TAOK1: variants seen among roughly 807,000 people sequenced by gnomAD.
TAOK1 encodes TAO kinase 1.
Under a neutral mutation model 138.3 loss-of-function variants are expected in TAOK1, and 21 were observed. The observed-to-expected ratio is 0.15, with a 90% confidence interval of 0.11 to 0.22. TAOK1 has a LOEUF of 0.22. TAOK1 is among the 10% of genes least tolerant of loss of function. TAOK1 has a pLI of 1.00. For missense variants in TAOK1, 651 were observed against 1,227.7 expected, an observed-to-expected ratio of 0.53 and a Z score of 7.02; for synonymous variants, 361 against 398.4, an observed-to-expected ratio of 0.91 and a Z score of 1.12.
intron 1 of TAOK1, among the ~76,000 whole-genome samples, chr17:29,412,936 G>A (rs1905180991): frequency 6.6e-6 from 1 of 152,212 alleles, no homozygotes; most frequent in Non-Finnish European, 1.5e-5. Context: ...TTCTGAGGTT[G>A]TGTACAAATT....
chr17:29,413,665 A>G (rs1335515822), intron 1 of TAOK1, among the ~76,000 whole-genome samples: 1 of 152,134 alleles, frequency 6.6e-6, no homozygotes, highest in Non-Finnish European at 1.5e-5. Flanking sequence ...GTACATTCAC[A>G]GTGTTGTATA....
chr17:29,495,228 T>C (rs1166021390), intron 10 of TAOK1, among the ~76,000 whole-genome samples: 3 of 152,164 alleles, frequency 2.0e-5, no homozygotes, highest in African/African-American at 4.8e-5. Flanking sequence ...AACATGTCTT[T>C]TGTGTGAAAT....
At chr17:29,505,310 C>T (rs1013293159) in intron 13 of TAOK1, among the ~76,000 whole-genome samples, 3 of 152,046 alleles carry the variant, frequency 2.0e-5, no homozygotes, top group South Asian at 2.1e-4. Flanking sequence ...CTGCCTTAAC[C>T]GTCTGAAACA....
intron 1 of TAOK1, among the ~76,000 whole-genome samples, chr17:29,406,393 T>A (rs1052625725): frequency 1.3e-5 from 2 of 152,108 alleles, no homozygotes; most frequent in Non-Finnish European, 2.9e-5. Flanking sequence ...GGGTATTATA[T>A]ACCTGAGAGC....
intron 12 of TAOK1, among the ~76,000 whole-genome samples, chr17:29,501,479 G>A (rs1415724134): frequency 6.7e-6 from 1 of 150,302 alleles, no homozygotes; most frequent in African/African-American, 2.4e-5. Context: ...CTTAACTGAT[G>A]TTCTCTTCAG....
chr17:29,497,884 C>T (rs1271909546), intron 11 of TAOK1, among the ~76,000 whole-genome samples: 4 of 150,616 alleles, frequency 2.7e-5, no homozygotes, highest in African/African-American at 4.9e-5. Flanking sequence ...AGGGCTACGC[C>T]GTAGGCACTG....
At chr17:29,417,061 G>A (rs1366708200) in intron 1 of TAOK1, among the ~76,000 whole-genome samples, 7 of 151,988 alleles carry the variant, frequency 4.6e-5, no homozygotes, top group Non-Finnish European at 8.8e-5. Flanking sequence ...TCGTCCAGGC[G>A]GGAGTGCAGT....
At chr17:29,451,047 C>G (rs114440583) in intron 1 of TAOK1, among the ~76,000 whole-genome samples, 1 of 152,196 alleles carries the variant, frequency 6.6e-6, no homozygotes, top group African/African-American at 2.4e-5. Context: ...GATTAGTACA[C>G]TAGCATACGG....
At chr17:29,425,608 G>T (rs1905610686) in intron 1 of TAOK1, among the ~76,000 whole-genome samples, 1 of 152,226 alleles carries the variant, frequency 6.6e-6, no homozygotes, top group South Asian at 2.1e-4. Context: ...GAGCCTGGGA[G>T]AGCTGAGATT....
chr17:29,425,726 A>G (rs1241673674), intron 1 of TAOK1, among the ~76,000 whole-genome samples: 1 of 152,208 alleles, frequency 6.6e-6, no homozygotes, highest in Non-Finnish European at 1.5e-5. Flanking sequence ...GGAGATATTG[A>G]AAGATGATAA....
At chr17:29,467,121 C>CTTCT (rs762680224) in intron 2 of TAOK1, 24 bp from the exon 3 acceptor site, 383 of 1,538,584 alleles carry the variant, frequency 2.5e-4, no homozygotes, top group Non-Finnish European at 3.3e-4. Flanking sequence ...TTTTACAGTG[C>CTTCT]TTCTTTCTTT....
intron 4 of TAOK1, 138 bp from the exon 5 acceptor site, chr17:29,477,521 CTA>C (rs1320661370): frequency 6.9e-6 from 2 of 289,004 alleles, no homozygotes; most frequent in East Asian, 7.8e-5. Context: ...ATCTATATAA[CTA>C]TTTTTTTAAG....
chr17:29,463,638 C>G (rs2030583959), intron 2 of TAOK1, among the ~76,000 whole-genome samples: 1 of 151,840 alleles, frequency 6.6e-6, no homozygotes, highest in African/African-American at 2.4e-5. Flanking sequence ...CTATAATACT[C>G]TTAGAAGAAA....
At chr17:29,533,624 C>T (rs982752057) in intron 18 of TAOK1, among the ~76,000 whole-genome samples, 6 of 151,946 alleles carry the variant, frequency 3.9e-5, no homozygotes, top group Non-Finnish European at 7.4e-5. Flanking sequence ...GGATCACTTG[C>T]GGTTAGGAGC....
chr17:29,514,516 T>C (rs1246327840), intron 15 of TAOK1: 7 of 152,224 alleles, frequency 4.6e-5, no homozygotes, highest in Admixed American at 3.9e-4. Context: ...CATACCACCA[T>C]GCCCAGCTAA....
chr17:29,439,864 TAAAAAAAAAAA>T (rs371960597), intron 1 of TAOK1, among the ~76,000 whole-genome samples: 2 of 118,176 alleles, frequency 1.7e-5, no homozygotes, highest in South Asian at 2.8e-4. Flanking sequence ...CTCTGTCTCC[TAAAAAAAAAAA>T]AAAAAAAAAA....
intron 1 of TAOK1, among the ~76,000 whole-genome samples, chr17:29,411,338 G>T (rs1028283736): frequency 2.0e-5 from 3 of 151,750 alleles, no homozygotes; most frequent in African/African-American, 7.3e-5. Flanking sequence ...TGATCCGCCC[G>T]CCTCGGCCTC....
intron 1 of TAOK1, among the ~76,000 whole-genome samples, chr17:29,441,685 A>G (rs905327580): frequency 6.6e-6 from 1 of 152,084 alleles, no homozygotes; most frequent in Non-Finnish European, 1.5e-5. Context: ...GTGGATCACG[A>G]GGTGAAGAAT....
intron 9 of TAOK1, 29 bp downstream of exon 9, chr17:29,489,786 A>G: frequency 6.9e-7 from 1 of 1,443,460 alleles, no homozygotes; most frequent in Middle Eastern, 1.8e-4. Flanking sequence ...TATATTGCTC[A>G]GTGTTGAATA....
Sources: allele counts gnomAD v4.1 joint callset (sites outside exome capture counted in the v4.1 genomes callset), GRCh38; gene constraint gnomAD v4.1.1; transcripts MANE v1.5; gene names NCBI Gene and HGNC (gene_info 2026-07-23, HGNC 2026-07-21).